The following KIFC2 variants were observed in gnomAD, a reference collection of about 807,000 sequenced individuals.
KIFC2 encodes the protein kinesin-like protein KIFC2.
Under a neutral mutation model 91.5 loss-of-function variants are expected in KIFC2, and 94 were observed. The observed-to-expected ratio is 1.03, with a 90% CI of 0.87 to 1.22. The LOEUF (loss-of-function observed/expected upper bound fraction) is 1.22. Ranked by LOEUF, KIFC2 falls within the 50% of genes most tolerant of loss-of-function variation. KIFC2 has a pLI of 0.00. For synonymous variants in KIFC2, 729 were observed against 503.9 expected, an observed-to-expected ratio of 1.45 and a Z score of -5.98; for missense variants, 1,357 against 1,103.3, an observed-to-expected ratio of 1.23 and a Z score of -3.26.
chr8:144,466,641 C>A (rs1425071572), intron 1 of KIFC2, 119 bp from the exon 2 acceptor site: 5 of 988,892 alleles, frequency 5.1e-6, no homozygotes, highest in Admixed American at 3.9e-5. Context: ...GGACCCTCGG[C>A]TCGGCCCCGA....
rs1218941113 is a variant in KIFC2, at chr8:144,473,912, G to A, written c.*523G>A. 4 of 428,504 alleles carry A rather than the reference G, an allele frequency of 9.3e-6. No individual in the cohort carries two copies. Among genetic ancestry groups the A allele is most frequent in the African/African-American group, 2.0e-5 (1 of 50,108 alleles). 26.5% of individuals were successfully genotyped at this position (428,504 alleles called of 1,614,324 possible). A position where few individuals can be genotyped will look rare whatever the true frequency, so the allele number is the denominator to read the frequency against. Reference sequence around the variant, plus strand: ...CTCTCCCTCCCCCAGCCTGGAGCACGGGAGGGGAGGTGACGGCTGGTGACT... The same window carrying A: ...CTCTCCCTCCCCCAGCCTGGAGCACAGGAGGGGAGGTGACGGCTGGTGACT... On this transcript the variant is annotated 3_prime_UTR_variant, in exon 18 of 18. Transcript: ENST00000645548.
At chr8:144,470,400 A>G (rs1824879227) in intron 12 of KIFC2, among the ~76,000 whole-genome samples, 2 of 152,252 alleles carry the variant, frequency 1.3e-5, no homozygotes, top group Non-Finnish European at 2.9e-5. Flanking sequence ...GGGTCCTCTC[A>G]GTCAATGTGT....
intron 7 of KIFC2, 158 bp from the exon 8 acceptor site, chr8:144,468,171 A>T: frequency 9.8e-7 from 1 of 1,016,270 alleles, no homozygotes; most frequent in Non-Finnish European, 1.4e-6. Flanking sequence ...GGCTGACCCC[A>T]GGAGAGCAGA....
chr8:144,466,247 G>A, upstream of KIFC2: 1 of 199,154 alleles, frequency 5.0e-6, no homozygotes, highest in Non-Finnish European at 1.0e-5. Context: ...GTGCGGCCGC[G>A]GGCACCTGTT....
rs753513747 is a variant in KIFC2 at position 144,467,786 on chromosome 8, C to G, written c.681+7C>G. 5 of 1,613,710 alleles carry G rather than the reference C, an allele frequency of 3.1e-6. No individual in the cohort carries two copies. The highest frequency in any genetic ancestry group is 4.2e-6 in the Non-Finnish European group (5 of 1,179,976). On this transcript the variant is annotated splice_region_variant and intron_variant, in intron 6 of 17. Coordinates refer to ENST00000645548, the MANE Select transcript of KIFC2 (RefSeq NM_001369769.2). ...TCGACTGCGCCTGGGCGTGGTGAGG[C>G]TGCAGGGAGACCTGGCAGGGCCGGG...
rs142310829 is a variant in KIFC2, at chr8:144,466,443, C to T, written c.24C>T (p.Leu8=). 1.7e-3 allele frequency: 2,350 copies of T among 1,363,372 alleles called. 30 individuals carry two copies. In the South Asian group the frequency reaches 0.019, roughly 11 times the overall value. The allele number at this position is 1,363,372 out of a possible 1,614,324, so 84.5% of individuals were successfully genotyped here. A position where few individuals can be genotyped will look rare whatever the true frequency, so the allele number is the denominator to read the frequency against. Residue 8 remains leucine (L), a synonymous_variant, in exon 1 of 18, where the codon CTC becomes CTT. Transcript: ENST00000645548. MYAFYSL[L]IYIFYSLFRR... ...CCATGTACGCCTTTTACTCGTTGCT[C>T]ATCTACATCTTCTACAGCCTCTTCC...
intron 12 of KIFC2, among the ~76,000 whole-genome samples, chr8:144,470,062 C>T (rs1221689818): frequency 6.6e-6 from 1 of 152,268 alleles, no homozygotes; most frequent in East Asian, 1.9e-4. Context: ...GCAGGGGCTT[C>T]AGCCCCAGCC....
chr8:144,468,441 G>T (rs143057454), intron 8 of KIFC2, 35 bp downstream of exon 8: 2 of 1,605,414 alleles, frequency 1.2e-6, no homozygotes, highest in South Asian at 1.1e-5. Context: ...TGGCTCAGGG[G>T]TGAGGCGGGC....
At chr8:144,468,931 TG>T in intron 10 of KIFC2, 97 bp downstream of exon 10, 2 of 989,148 alleles carry the variant, frequency 2.0e-6, no homozygotes, top group Non-Finnish European at 3.1e-6. Flanking sequence ...TACTAATAAG[TG>T]GGGCTCTGGA....
At chr8:144,469,225 G>A in intron 10 of KIFC2, 46 bp from the exon 11 acceptor site, 4 of 1,459,562 alleles carry the variant, frequency 2.7e-6, no homozygotes, top group Non-Finnish European at 3.8e-6. Context: ...CACCTCCGCA[G>A]CTCCTTGGCT....
In KIFC2 at chr8:144,467,619, A is replaced by C; in HGVS notation, c.604A>C (p.Ile202Leu). 4 of 1,593,700 alleles carry C rather than the reference A, an allele frequency of 2.5e-6. No homozygotes were observed. The highest frequency in any genetic ancestry group is 3.4e-6 in the Non-Finnish European group (4 of 1,169,160). ...GGCGTGGCAGCGGCTGGAGCAGCTC[A>C]TCCTGGGACAGGTGAGGTCCCTGGA... is the stretch of plus-strand genomic sequence containing the variant. ...QRAWQRLEQL[I>L]LGQLEELKQQ... is the part of the protein sequence containing the mutation. The change falls in exon 5 of 18, where the codon ATC becomes CTC. Residue 202 changes from isoleucine to leucine, a missense_variant. Physicochemically the swap from Ile to Leu is conservative, Grantham distance 5. Coordinates refer to ENST00000645548, the MANE Select transcript of KIFC2 (RefSeq NM_001369769.2).
chr8:144,470,647 C>T (rs1453967695), intron 12 of KIFC2: 1 of 152,310 alleles, frequency 6.6e-6, no homozygotes, highest in Non-Finnish European at 1.5e-5. Flanking sequence ...TGTTGTTGCT[C>T]AAAAGACTGT....
rs749929979 is a variant in KIFC2, at chr8:144,466,371, G to C, written c.-49G>C. On this transcript the variant is annotated 5_prime_UTR_variant, in exon 1 of 18. Coordinates refer to ENST00000645548, the MANE Select transcript of KIFC2 (RefSeq NM_001369769.2). ...GCGGGCGGGCGCCGAGTCTGGGCGC[G>C]GGGACGCGGGGCGGCGCGAAGCGGG... The C allele has an allele frequency of 3.7e-6, 3 of 801,238 alleles. 1 individual carries two copies. The Middle Eastern group carries it at 1.3e-3, about 339-fold the overall frequency. 49.6% of individuals were successfully genotyped at this position (801,238 alleles called of 1,614,324 possible).
intron 10 of KIFC2, 133 bp downstream of exon 10, chr8:144,468,967 AG>A: frequency 5.6e-6 from 4 of 708,126 alleles, no homozygotes; most frequent in Non-Finnish European, 9.5e-6. Context: ...TGTGTGACCC[AG>A]GGTGGGATTC....
chr8:144,471,031 T>A (rs1205811471), intron 12 of KIFC2, among the ~76,000 whole-genome samples: 1 of 151,824 alleles, frequency 6.6e-6, no homozygotes, highest in Non-Finnish European at 1.5e-5. Context: ...TGGTGTGATC[T>A]CGGCTCACTG....
At position 144,472,872 on chromosome 8, in the gene KIFC2, C is replaced by G. The variant is rs1317547321; in HGVS notation, c.1939C>G (p.Pro647Ala). The G allele has an allele frequency of 3.2e-5, 49 of 1,530,524 alleles. No homozygotes were observed. The highest frequency in any genetic ancestry group is 4.1e-5 in the Non-Finnish European group (47 of 1,153,386). The allele number at this position is 1,530,524 out of a possible 1,614,324, so 94.8% of individuals were successfully genotyped here. The change falls in exon 17 of 18, where the codon CCA becomes GCA. Residue 647 changes from proline to alanine, a missense_variant. Transcript: ENST00000645548. ...AGAAGPPRGDPDGARRLREAQ... is the reference protein window; with the variant it reads ...AGAAGPPRGDADGARRLREAQ... Reference sequence around the variant, plus strand: ...GGCGGCCGGCCCGCCGCGGGGAGACCCAGACGGCGCCCGGCGCCTGCGGGA... The same window carrying G: ...GGCGGCCGGCCCGCCGCGGGGAGACGCAGACGGCGCCCGGCGCCTGCGGGA...
intron 2 of KIFC2, 26 bp from the exon 3 acceptor site, chr8:144,466,933 C>T (rs1040617813): frequency 2.7e-5 from 42 of 1,581,302 alleles, no homozygotes; most frequent in Admixed American, 1.0e-4. Context: ...CCCGAAATGT[C>T]TCCCGCCCTC....
At position 144,466,948 on chromosome 8, in the gene KIFC2, C is replaced by T. The variant is rs1340063707; in HGVS notation, c.179-11C>T. On this transcript the variant is annotated splice_polypyrimidine_tract_variant and intron_variant, in intron 2 of 17. Coordinates refer to ENST00000645548, the MANE Select transcript of KIFC2 (RefSeq NM_001369769.2). ...CCCGAAATGTCTCCCGCCCTCCTCC[C>T]TGACCGGCAGCCAGCTCCGAGCCTG... 4 of 1,589,154 alleles carry T rather than the reference C, an allele frequency of 2.5e-6. No individual in the cohort carries two copies. The highest frequency in any genetic ancestry group is 3.4e-6 in the Non-Finnish European group (4 of 1,175,082).
intron 12 of KIFC2, chr8:144,470,571 C>G (rs903346507): frequency 6.6e-6 from 1 of 152,278 alleles, no homozygotes; most frequent in African/African-American, 2.4e-5. Flanking sequence ...AGCCTTGTGG[C>G]TGTCTTCAAA....
Sources: gnomAD v4.1 joint callset for allele counts (sites outside exome capture counted in the v4.1 genomes callset) on GRCh38, gnomAD v4.1.1 for gene constraint, MANE v1.5 for transcripts, NCBI Gene and HGNC (gene_info 2026-07-23, HGNC 2026-07-21) for gene names.